COX19: variants seen among roughly 807,000 people sequenced by gnomAD.
COX19 encodes cytochrome c oxidase assembly factor COX19.
Under a neutral mutation model 6.8 loss-of-function variants are expected in COX19, and 8 were observed. The ratio of observed to expected loss-of-function variants is 1.18; its 90% CI spans 0.69 to 2.12. The LOEUF is 2.12. COX19 is among the 30% of genes most tolerant of loss of function. The pLI is 0.00. For synonymous variants in COX19, 51 were observed against 38.0 expected (o/e 1.34, Z -1.26); for missense variants, 131 against 104.6 (o/e 1.25, Z -1.10).
Position 975,483 on chromosome 7 carries a change from G to C in COX19, c.27C>G (p.Thr9=). 1 of 1,603,348 alleles carries C rather than the reference G, an allele frequency of 6.2e-7. No individual in the cohort carries two copies. Residue 9 remains threonine, a synonymous_variant, in exon 1 of 3, where the codon ACC becomes ACG. Coordinates refer to ENST00000344111, the MANE Select transcript of COX19 (RefSeq NM_001031617.3). ...CCGGGGGCCGCGGCTGGAAGCTCTT[G>C]GTCCCGAAATTCATGGCGGTCGACA... The part of the protein sequence containing the change: MSTAMNFG[T]KSFQPRPPDK...
Position 966,423 on chromosome 7 carries a change from G to T in COX19, c.*2955C>A, listed in dbSNP as rs886783140. 3.3e-5 allele frequency: 5 copies of T among 152,308 alleles called. No individual in the cohort carries two copies. Among genetic ancestry groups the T allele is most frequent in the African/African-American group, 1.2e-4 (5 of 41,442 alleles). 9.4% of individuals were successfully genotyped at this position (152,308 alleles called of 1,614,324 possible). A position where few individuals can be genotyped will look rare whatever the true frequency, so the allele number is the denominator to read the frequency against. Reference sequence around the variant, plus strand: ...CCCACCTTGGCCTCCTAAAGTGCTGGGATTGCAGGCGTGAGCCGCTGCGCC... The same window carrying T: ...CCCACCTTGGCCTCCTAAAGTGCTGTGATTGCAGGCGTGAGCCGCTGCGCC... On this transcript the variant is annotated 3_prime_UTR_variant, in exon 3 of 3. Coordinates refer to ENST00000344111, the MANE Select transcript of COX19 (RefSeq NM_001031617.3).
rs771856290 is a variant in COX19 at position 975,426 on chromosome 7, A to G, written c.82+2T>C. ...CCTGCCCGCCGACCTTCCGCCGCTC[A>G]CCTAAGTGATCCAGCGGGAAGCTGC... On this transcript the variant is annotated splice_donor_variant, in intron 1 of 2. Transcript: ENST00000344111. LOFTEE classifies it high-confidence loss of function. 3 of 1,590,964 alleles carry G rather than the reference A, an allele frequency of 1.9e-6. No individual in the cohort carries two copies. The highest frequency in any genetic ancestry group is 1.7e-6 in the Non-Finnish European group (2 of 1,170,832).
At chr7:971,763 C>T (rs1162139137) in intron 2 of COX19, among the ~76,000 whole-genome samples, 3 of 152,002 alleles carry the variant, frequency 2.0e-5, no homozygotes, top group Non-Finnish European at 2.9e-5. Context: ...CCCAGCTACT[C>T]GGGAGGCTGA....
chr7:969,164 C>G lies in COX19; in HGVS notation c.*214G>C. 1 of 527,184 alleles carries G rather than the reference C, an allele frequency of 1.9e-6. No individual in the cohort carries two copies. Among genetic ancestry groups the G allele is most frequent in the Non-Finnish European group, 3.4e-6 (1 of 297,132 alleles). 32.7% of individuals were successfully genotyped at this position (527,184 alleles called of 1,614,324 possible). A position where few individuals can be genotyped will look rare whatever the true frequency, so the allele number is the denominator to read the frequency against. ...CTCCCTCCCAGCTTTGCCGGGAACG[C>G]CGTCCCACTCAGGGGTTCAATGCAG... On this transcript the variant is annotated 3_prime_UTR_variant, in exon 3 of 3. Transcript: ENST00000344111.
rs1847537087 is a variant in COX19 at position 965,421 on chromosome 7, A to G, written c.*3957T>C. Among the ~76,000 whole-genome samples the G allele has an allele frequency of 3.3e-5, 5 of 152,310 alleles. No homozygotes were observed. The South Asian group carries it at 1.0e-3, about 32-fold the overall frequency. On this transcript the variant is annotated 3_prime_UTR_variant, in exon 3 of 3. Coordinates refer to ENST00000344111, the MANE Select transcript of COX19 (RefSeq NM_001031617.3). ...GTCTCCTTGGGATTACATTCAGGCC[A>G]TGCAGTTGGGCAAGAGAACCAGAGG...
chr7:969,589 G>A (rs895876717), intron 2 of COX19, 133 bp from the exon 3 acceptor site: 10 of 694,832 alleles, frequency 1.4e-5, no homozygotes, highest in Admixed American at 4.6e-5. Flanking sequence ...GTGGCCCCTC[G>A]GCCTCGGCCC....
Position 965,869 on chromosome 7 carries a change from C to T in COX19, c.*3509G>A, listed in dbSNP as rs933952946. Among the ~76,000 whole-genome samples, 2 of 152,290 alleles carry T rather than the reference C, an allele frequency of 1.3e-5. No homozygotes were observed. The highest frequency in any genetic ancestry group is 1.9e-4 in the East Asian group (1 of 5,180). On this transcript the variant is annotated 3_prime_UTR_variant, in exon 3 of 3. Coordinates refer to ENST00000344111, the MANE Select transcript of COX19 (RefSeq NM_001031617.3). ...GGCCAGGCTGGCCTTGAACTCCTGG[C>T]CTCAAGTGATCTGCCTGCCTCGGCC...
intron 2 of COX19, among the ~76,000 whole-genome samples, chr7:970,165 C>T (rs955725954): frequency 3.3e-5 from 5 of 151,936 alleles, no homozygotes; most frequent in African/African-American, 7.3e-5. Context: ...GAAACAGTCT[C>T]GCTCTATTGC....
In COX19 at chr7:968,126, G is replaced by A. The variant is rs547460902; in HGVS notation, c.*1252C>T. 11 of 152,482 alleles carry A rather than the reference G, an allele frequency of 7.2e-5. No homozygotes were observed. Among genetic ancestry groups the A allele is most frequent in the Non-Finnish European group, 1.6e-4 (11 of 68,124 alleles). The allele number at this position is 152,482 out of a possible 1,614,324, so 9.4% of individuals were successfully genotyped here. On this transcript the variant is annotated 3_prime_UTR_variant, in exon 3 of 3. Transcript: ENST00000344111. ...AGGTGGTAGAACCCATGGGTGCAGG[G>A]ACACAGGGTTGGGCGGGCCCAGCCG... is the stretch of plus-strand genomic sequence containing the variant.
intron 1 of COX19, chr7:975,187 C>G: frequency 2.3e-6 from 1 of 429,782 alleles, no homozygotes. Flanking sequence ...GACCCGGAAG[C>G]CTGACGCAAG....
rs1847548652 is a variant in COX19 at position 966,054 on chromosome 7, C to A, written c.*3324G>T. ...TAAGACAGACCTGGCCCTCCCCCCACTGACATGTTTACGCAATTACTTATG... is the reference window on the plus strand; with the variant it reads ...TAAGACAGACCTGGCCCTCCCCCCAATGACATGTTTACGCAATTACTTATG... On this transcript the variant is annotated 3_prime_UTR_variant, in exon 3 of 3. Transcript: ENST00000344111. The A allele has an allele frequency of 6.6e-6, 1 of 152,184 alleles. No homozygotes were observed. The highest frequency in any genetic ancestry group is 2.4e-5 in the African/African-American group (1 of 41,438). 9.4% of individuals were successfully genotyped at this position (152,184 alleles called of 1,614,324 possible). A position where few individuals can be genotyped will look rare whatever the true frequency, so the allele number is the denominator to read the frequency against.
At position 968,142 on chromosome 7, in the gene COX19, G is replaced by GGCCCAGCCGCA. The variant is rs1228457039; in HGVS notation, c.*1225_*1235dup. 3.3e-5 allele frequency: 5 copies of GGCCCAGCCGCA among 152,440 alleles called. No individual in the cohort carries two copies. In the East Asian group the frequency reaches 9.6e-4, roughly 29 times the overall value. 9.4% of individuals were successfully genotyped at this position (152,440 alleles called of 1,614,324 possible). ...GGGTGCAGGGACACAGGGTTGGGCG[G>GGCCCAGCCGCA]GCCCAGCCGCAATAGGTACTCAGTT... On this transcript the variant is annotated 3_prime_UTR_variant, in exon 3 of 3. Transcript: ENST00000344111.
chr7:974,545 G>A (rs548086513), intron 1 of COX19, among the ~76,000 whole-genome samples: 83 of 152,334 alleles, frequency 5.4e-4, no homozygotes, highest in Admixed American at 5.4e-3. Flanking sequence ...GTGCAATGTA[G>A]GTGATGGTCA....
At chr7:974,686 TCTCA>T (rs2128117645) in intron 1 of COX19, among the ~76,000 whole-genome samples, 1 of 152,182 alleles carries the variant, frequency 6.6e-6, no homozygotes, top group Non-Finnish European at 1.5e-5. Flanking sequence ...TGAGACGTTG[TCTCA>T]CTCTGTCGCC....
chr7:969,458 T>C lies in COX19; in HGVS notation c.195-2A>G. 6.3e-7 allele frequency: 1 copy of C among 1,598,834 alleles called. No homozygotes were observed. The stretch of plus-strand genomic sequence containing the variant: ...AATGGTTCTTGTAGCATCAATTTTC[T>C]AAAAGAAAAAGAGAAAGCTGTCAGG... On this transcript the variant is annotated splice_acceptor_variant, in intron 2 of 2. Transcript: ENST00000344111. LOFTEE classifies it high-confidence loss of function.
chr7:971,751 G>A (rs1164403379), intron 2 of COX19, among the ~76,000 whole-genome samples: 1 of 152,116 alleles, frequency 6.6e-6, no homozygotes, highest in Non-Finnish European at 1.5e-5. Flanking sequence ...GGCGCCTGTA[G>A]TCCCAGCTAC....
chr7:975,041 T>G (rs1283149702), intron 1 of COX19: 1 of 185,756 alleles, frequency 5.4e-6, no homozygotes, highest in African/African-American at 2.3e-5. Flanking sequence ...TCAGCAGCAC[T>G]TTTGAGCTTT....
chr7:966,490 A>G lies in COX19; in HGVS notation c.*2888T>C, dbSNP rs567279610. 6.6e-6 allele frequency: 1 copy of G among 152,386 alleles called. No individual in the cohort carries two copies. Among genetic ancestry groups the G allele is most frequent in the Admixed American group, 6.5e-5 (1 of 15,298 alleles). The allele number at this position is 152,386 out of a possible 1,614,324, so 9.4% of individuals were successfully genotyped here. On this transcript the variant is annotated 3_prime_UTR_variant, in exon 3 of 3. Transcript: ENST00000344111. The stretch of plus-strand genomic sequence containing the variant: ...ACGCTCACACTGCCCCAGGCTGGCC[A>G]CCGTATGCTCCTTCCCATCCCCCCG...
rs746910740 is a variant in COX19, at chr7:973,205, T to TC, written c.169dup (p.Glu57GlyfsTer27). The TC allele has an allele frequency of 2.5e-6, 4 of 1,601,224 alleles. No homozygotes were observed. Among genetic ancestry groups the TC allele is most frequent in the Non-Finnish European group, 3.4e-6 (4 of 1,174,446 alleles). ...CCTCTCCATCCTGCATTCTAAATAT[T>TC]CTTTTGATTCCTTTCTGCACAAAGC... On this transcript the variant is annotated frameshift_variant, in exon 2 of 3. Coordinates refer to ENST00000344111, the MANE Select transcript of COX19 (RefSeq NM_001031617.3). LOFTEE classifies it high-confidence loss of function.
Sources: allele counts gnomAD v4.1 joint callset (sites outside exome capture counted in the v4.1 genomes callset), GRCh38; gene constraint gnomAD v4.1.1; transcripts MANE v1.5; gene names NCBI Gene and HGNC (gene_info 2026-07-23, HGNC 2026-07-21).